Variants in WDFY3 observed in about 807,000 individuals in gnomAD.
WDFY3 encodes the protein WD repeat and FYVE domain-containing protein 3.
Under a neutral mutation model 409.6 loss-of-function variants are expected in WDFY3, and 66 were observed. The ratio of observed to expected loss-of-function variants is 0.16; its 90% CI spans 0.13 to 0.20. The LOEUF (loss-of-function observed/expected upper bound fraction) is 0.20. WDFY3 is among the 10% of genes least tolerant of loss of function. WDFY3 has a pLI of 1.00. For synonymous variants in WDFY3, 1,521 were observed against 1,537.1 expected, an observed-to-expected ratio of 0.99 and a Z score of 0.25; for missense variants, 3,031 against 4,298.1, an observed-to-expected ratio of 0.71 and a Z score of 8.24.
intron 30 of WDFY3, among the ~76,000 whole-genome samples, chr4:84,772,537 G>A (rs990104604): frequency 4.6e-5 from 7 of 151,968 alleles, no homozygotes; most frequent in South Asian, 2.1e-4. Context: ...ATCAAATAAT[G>A]TTCAAATCAC....
intron 57 of WDFY3, among the ~76,000 whole-genome samples, 196 bp downstream of exon 57, chr4:84,696,536 A>T (rs1730177501): frequency 6.6e-6 from 1 of 151,374 alleles, no homozygotes; most frequent in African/African-American, 2.4e-5. Context: ...TACATAGTTT[A>T]TATATATATA....
intron 44 of WDFY3, among the ~76,000 whole-genome samples, chr4:84,727,529 G>C (rs1446167655): frequency 6.6e-6 from 1 of 152,118 alleles, no homozygotes; most frequent in Admixed American, 6.6e-5. Flanking sequence ...AGCTTTTCTA[G>C]AGTACTTTTA....
intron 51 of WDFY3, among the ~76,000 whole-genome samples, chr4:84,710,853 A>C (rs1441736444): frequency 1.3e-5 from 2 of 152,224 alleles, no homozygotes; most frequent in African/African-American, 4.8e-5. Flanking sequence ...TTTTTAAGGA[A>C]ATCTTTCACT....
intron 62 of WDFY3, among the ~76,000 whole-genome samples, chr4:84,684,944 C>CT (rs1358223845): frequency 6.6e-6 from 1 of 152,196 alleles, no homozygotes; most frequent in Admixed American, 6.5e-5. Flanking sequence ...CTAGTTAACA[C>CT]AGCAACCTTG....
At chr4:84,880,412 C>T (rs1020731323) in intron 3 of WDFY3, among the ~76,000 whole-genome samples, 8 of 151,440 alleles carry the variant, frequency 5.3e-5, no homozygotes, top group Non-Finnish European at 1.5e-5. Context: ...TCAAATGTGA[C>T]AATACCAAAT....
chr4:84,736,475 A>C lies in WDFY3; in HGVS notation c.6758-148T>G. On this transcript the variant is annotated intron_variant, in intron 41 of 67. Coordinates refer to ENST00000295888, the MANE Select transcript of WDFY3 (RefSeq NM_014991.6). ...TGCAGATATTACATTCAGATATCAC[A>C]AATTTATTTATTGGTAATCTTAAGG... 4.1e-6 allele frequency: 3 copies of C among 730,764 alleles called. No homozygotes were observed. In the South Asian group the frequency reaches 1.3e-4, roughly 33 times the overall value. 45.3% of individuals were successfully genotyped at this position (730,764 alleles called of 1,614,324 possible). A position where few individuals can be genotyped will look rare whatever the true frequency, so the allele number is the denominator to read the frequency against.
At chr4:84,744,826 C>G (rs1305123804) in intron 36 of WDFY3, among the ~76,000 whole-genome samples, 1 of 125,040 alleles carries the variant, frequency 8.0e-6, no homozygotes, top group Non-Finnish European at 1.6e-5. Flanking sequence ...GCACTCCAGC[C>G]TGGGCGACAG....
chr4:84,875,461 T>C (rs957782578), intron 3 of WDFY3, among the ~76,000 whole-genome samples: 8 of 152,164 alleles, frequency 5.3e-5, no homozygotes, highest in African/African-American at 1.9e-4. Flanking sequence ...GAATACATTG[T>C]AGACTTTATA....
At chr4:84,836,897 G>T in intron 7 of WDFY3, 32 bp downstream of exon 7, 1 of 1,449,612 alleles carries the variant, frequency 6.9e-7, no homozygotes. Context: ...CCTTTAAATA[G>T]GGTGGAGGTA....
At chr4:84,783,284 G>A (rs191845661) in intron 24 of WDFY3, among the ~76,000 whole-genome samples, 6 of 152,218 alleles carry the variant, frequency 3.9e-5, no homozygotes, top group African/African-American at 7.2e-5. Context: ...GCTTGAGCCC[G>A]GAGTTTGAGA....
intron 2 of WDFY3, among the ~76,000 whole-genome samples, chr4:84,924,823 C>G (rs1769758913): frequency 6.6e-6 from 1 of 152,100 alleles, no homozygotes; most frequent in Non-Finnish European, 1.5e-5. Flanking sequence ...TACTATAGTA[C>G]CTTCCAACTA....
At chr4:84,877,105 G>A (rs1283565203) in intron 3 of WDFY3, among the ~76,000 whole-genome samples, 1 of 152,160 alleles carries the variant, frequency 6.6e-6, no homozygotes, top group Non-Finnish European at 1.5e-5. Context: ...TAACTTTAAG[G>A]AAAAGTACAA....
At chr4:84,809,271 T>G (rs1752073441) in intron 14 of WDFY3, 1 of 152,262 alleles carries the variant, frequency 6.6e-6, no homozygotes, top group African/African-American at 2.4e-5. Context: ...GTGTCTACAT[T>G]TTAGCTAAAA....
At chr4:84,781,819 C>G (rs17377191) in intron 25 of WDFY3, among the ~76,000 whole-genome samples, 5,062 of 152,178 alleles carry the variant, frequency 0.033, 86 homozygotes, top group South Asian at 0.05. Context: ...AAGAACGCTA[C>G]CACGTGCTTT....
intron 34 of WDFY3, among the ~76,000 whole-genome samples, chr4:84,754,219 C>T (rs184514786): frequency 6.6e-6 from 1 of 152,018 alleles, no homozygotes; most frequent in Non-Finnish European, 1.5e-5. Context: ...GTTGCCCCAT[C>T]GTGCATCATG....
At position 84,806,655 on chromosome 4, in the gene WDFY3, G is replaced by A. The variant is rs187520061; in HGVS notation, c.2429+1679C>T. Reference sequence around the variant, plus strand: ...GGAGTCTCGCTCTGTAGTCTAGGCTGGAGTGCAGTGCGGTGATCTCGGCTC... The same window carrying A: ...GGAGTCTCGCTCTGTAGTCTAGGCTAGAGTGCAGTGCGGTGATCTCGGCTC... On this transcript the variant is annotated intron_variant, in intron 15 of 67. Coordinates refer to ENST00000295888, the MANE Select transcript of WDFY3 (RefSeq NM_014991.6). Among the ~76,000 whole-genome samples, 78 of 152,294 alleles carry A rather than the reference G, an allele frequency of 5.1e-4. 1 individual carries two copies. In the East Asian group the frequency reaches 0.013, roughly 25 times the overall value.
At chr4:84,809,831 G>A (rs1439510387) in intron 14 of WDFY3, 56 bp downstream of exon 14, 2 of 1,464,740 alleles carry the variant, frequency 1.4e-6, no homozygotes, top group African/African-American at 1.4e-5. Context: ...AAGTCTTAAT[G>A]TTGAAGTCAT....
chr4:84,690,787 G>C, intron 60 of WDFY3, 123 bp from the exon 61 acceptor site: 2 of 1,223,512 alleles, frequency 1.6e-6, no homozygotes, highest in Non-Finnish European at 2.2e-6. Context: ...CTCATGTTCT[G>C]AGCTAGCTTT....
intron 21 of WDFY3, among the ~76,000 whole-genome samples, chr4:84,792,650 C>A (rs542409261): frequency 6.6e-6 from 1 of 152,114 alleles, no homozygotes; most frequent in Non-Finnish European, 1.5e-5. Context: ...CATTTCTAAT[C>A]ATATATGGAC....
Sources: allele counts gnomAD v4.1 joint callset (sites outside exome capture counted in the v4.1 genomes callset), GRCh38; gene constraint gnomAD v4.1.1; transcripts MANE v1.5; gene names NCBI Gene and HGNC (gene_info 2026-07-23, HGNC 2026-07-21).